EFCAB5: variants seen among roughly 807,000 people sequenced by gnomAD.
EFCAB5 encodes the protein EF-hand calcium binding domain 5.
EFCAB5 carries 131 observed loss-of-function variants against 167.9 expected under a neutral mutation model. The ratio of observed to expected loss-of-function variants is 0.78; its 90% CI spans 0.68 to 0.90. The LOEUF is 0.90. Among genes scored for constraint, EFCAB5 ranks in the 40% least tolerant of loss-of-function variants. EFCAB5 has a pLI of 0.00. For missense variants in EFCAB5, 1,663 were observed against 1,745.2 expected, an observed-to-expected ratio of 0.95 and a Z score of 0.84; for synonymous variants, 574 against 602.8, an observed-to-expected ratio of 0.95 and a Z score of 0.70.
rs1297951443 is a variant in EFCAB5, at chr17:30,092,852, T to C, written c.4237T>C (p.Tyr1413His). 6.2e-7 allele frequency: 1 copy of C among 1,610,916 alleles called. No homozygotes were observed. The highest frequency in any genetic ancestry group is 1.3e-5 in the African/African-American group (1 of 74,798). ...WDKCKFYVNK[Y>H]LVNNICAFDP... Reference sequence around the variant, plus strand: ...TGTTTGTTCACAGTATGTTAACAAATATTTAGTCAACAATATTTGTGCCTT... The same window carrying C: ...TGTTTGTTCACAGTATGTTAACAAACATTTAGTCAACAATATTTGTGCCTT... Residue 1413 changes from tyrosine to histidine, a missense_variant, in exon 22 of 23, where the codon TAT (tyrosine) becomes CAT (histidine). Physicochemically the swap from Tyr to His is moderately conservative, Grantham distance 83. Transcript: ENST00000394835.
At chr17:30,001,955 G>C (rs2068671492) in intron 7 of EFCAB5, among the ~76,000 whole-genome samples, 1 of 152,218 alleles carries the variant, frequency 6.6e-6, no homozygotes, top group African/African-American at 2.4e-5. Context: ...ATAAGTGACA[G>C]AGCTAGACTA....
At chr17:30,065,958 A>G (rs1416051450) in intron 14 of EFCAB5, among the ~76,000 whole-genome samples, 1 of 152,236 alleles carries the variant, frequency 6.6e-6, no homozygotes, top group African/African-American at 2.4e-5. Flanking sequence ...TAAAGCAAAT[A>G]TTGTTAGATC....
chr17:29,965,472 A>C (rs2067810085), intron 3 of EFCAB5, among the ~76,000 whole-genome samples: 1 of 152,156 alleles, frequency 6.6e-6, no homozygotes, highest in South Asian at 2.1e-4. Flanking sequence ...TATCCTGGAG[A>C]ATGTGCCATG....
At chr17:29,965,851 A>G (rs1249817734) in intron 3 of EFCAB5, among the ~76,000 whole-genome samples, 1 of 152,182 alleles carries the variant, frequency 6.6e-6, no homozygotes, top group Non-Finnish European at 1.5e-5. Flanking sequence ...TATTAGTCTG[A>G]CACATTTCTG....
At chr17:29,993,564 C>T (rs1344614506) in intron 5 of EFCAB5, among the ~76,000 whole-genome samples, 1 of 151,266 alleles carries the variant, frequency 6.6e-6, no homozygotes, top group Non-Finnish European at 1.5e-5. Flanking sequence ...CCAAACTCAT[C>T]ACTATAAACC....
intron 1 of EFCAB5, among the ~76,000 whole-genome samples, chr17:29,931,534 C>T (rs909413929): frequency 1.3e-5 from 2 of 152,096 alleles, no homozygotes; most frequent in African/African-American, 4.8e-5. Flanking sequence ...AGGCTTTTGC[C>T]CCCTGGTGGT....
chr17:30,089,481 T>C lies in EFCAB5; in HGVS notation c.3684-940T>C, dbSNP rs116024145. Reference sequence around the variant, plus strand: ...TAAAGAAATGGCATATCAGAATTAATGTAGATGGGGAAAGGGAAAAGAAAG... The same window carrying C: ...TAAAGAAATGGCATATCAGAATTAACGTAGATGGGGAAAGGGAAAAGAAAG... On this transcript the variant is annotated intron_variant, in intron 19 of 22. Coordinates refer to ENST00000394835, the MANE Select transcript of EFCAB5 (RefSeq NM_198529.4). Among the ~76,000 whole-genome samples the C allele has an allele frequency of 7.1e-3, 1,085 of 152,084 alleles. 10 individuals are homozygous for C. The highest frequency in any genetic ancestry group is 0.025 in the African/African-American group (1,052 of 41,456).
In EFCAB5 at chr17:29,956,478, C is replaced by G. The variant is rs556809825; in HGVS notation, c.191-12313C>G. Among the ~76,000 whole-genome samples the G allele has an allele frequency of 3.9e-5, 6 of 152,362 alleles. No individual in the cohort carries two copies. The South Asian group carries it at 1.0e-3, about 26-fold the overall frequency. On this transcript the variant is annotated intron_variant, in intron 3 of 22. Transcript: ENST00000394835. ...TTGCCTTATTTGAAGCTGGTTTGAA[C>G]AGCTGACTGTCTGTGGTTGACAGAA...
At chr17:29,942,409 A>T in intron 2 of EFCAB5, 107 bp downstream of exon 2, 2 of 1,095,364 alleles carry the variant, frequency 1.8e-6, no homozygotes, top group Non-Finnish European at 2.5e-6. Context: ...AGATAACTAA[A>T]ATTGCAAAAG....
intron 8 of EFCAB5, among the ~76,000 whole-genome samples, chr17:30,047,348 G>A (rs1377339781): frequency 1.3e-5 from 2 of 152,116 alleles, no homozygotes; most frequent in Non-Finnish European, 2.9e-5. Context: ...AGAAATTAAC[G>A]AGGGGAGCAC....
intron 7 of EFCAB5, among the ~76,000 whole-genome samples, chr17:30,011,255 T>C (rs2068891834): frequency 6.6e-6 from 1 of 152,222 alleles, no homozygotes; most frequent in Non-Finnish European, 1.5e-5. Context: ...TCCAGCTTTG[T>C]TCTTTTGGCT....
intron 22 of EFCAB5, among the ~76,000 whole-genome samples, chr17:30,096,225 A>C (rs2071284516): frequency 6.6e-6 from 1 of 152,212 alleles, no homozygotes; most frequent in African/African-American, 2.4e-5. Context: ...AAAAAAGACA[A>C]TCAAACCAGC....
intron 10 of EFCAB5, among the ~76,000 whole-genome samples, chr17:30,054,792 G>A (rs1259874545): frequency 6.6e-6 from 1 of 152,126 alleles, no homozygotes; most frequent in African/African-American, 2.4e-5. Context: ...ATGAAATCTT[G>A]CACCTTTTGT....
chr17:30,009,954 C>T (rs557283561), intron 7 of EFCAB5, among the ~76,000 whole-genome samples: 1 of 152,202 alleles, frequency 6.6e-6, no homozygotes, highest in Admixed American at 6.5e-5. Flanking sequence ...AATGCTATCC[C>T]TCCTCCATCC....
At chr17:30,050,630 G>T (rs1431671172) in intron 8 of EFCAB5, among the ~76,000 whole-genome samples, 1 of 152,080 alleles carries the variant, frequency 6.6e-6, no homozygotes, top group Non-Finnish European at 1.5e-5. Flanking sequence ...AGGTCTCACT[G>T]TGTTGCTATA....
chr17:30,092,874 C>A lies in EFCAB5; in HGVS notation c.4259C>A (p.Ala1420Asp), dbSNP rs1356571983. 1.2e-6 allele frequency: 2 copies of A among 1,611,272 alleles called. No homozygotes were observed. Among genetic ancestry groups the A allele is most frequent in the African/African-American group, 2.7e-5 (2 of 74,766 alleles). The change falls in exon 22 of 23, where the codon GCC (alanine) becomes GAC (aspartate). Residue 1420 changes from alanine (A) to aspartate (D), a missense_variant. Coordinates refer to ENST00000394835, the MANE Select transcript of EFCAB5 (RefSeq NM_198529.4). ...AAATATTTAGTCAACAATATTTGTG[C>A]CTTTGATCCAACTGCCAAGCATGTG... ...VNKYLVNNIC[A>D]FDPTAKHVEV...
chr17:30,090,555 A>G lies in EFCAB5; in HGVS notation c.3818A>G (p.Asn1273Ser). 1 of 1,614,008 alleles carries G rather than the reference A, an allele frequency of 6.2e-7. No homozygotes were observed. The highest frequency in any genetic ancestry group is 2.2e-5 in the East Asian group (1 of 44,884). The change falls in exon 20 of 23, where the codon AAT (asparagine) becomes AGT (serine). Residue 1273 changes from asparagine (N) to serine (S), a missense_variant. Transcript: ENST00000394835. ...LGVLDFNIGQ[N>S]RMLLCQEYKD... Reference sequence around the variant, plus strand: ...GTCCTCGATTTTAACATCGGCCAAAATAGGATGTTGTTGTGTCAAGAATAT... The same window carrying G: ...GTCCTCGATTTTAACATCGGCCAAAGTAGGATGTTGTTGTGTCAAGAATAT...
At chr17:30,078,785 T>C (rs967392343) in intron 15 of EFCAB5, among the ~76,000 whole-genome samples, 8 of 152,220 alleles carry the variant, frequency 5.3e-5, no homozygotes, top group African/African-American at 1.9e-4. Flanking sequence ...AAGAGTCAAA[T>C]AAGCCTAGAA....
At chr17:30,022,006 A>C (rs1171760870) in intron 7 of EFCAB5, among the ~76,000 whole-genome samples, 2 of 152,204 alleles carry the variant, frequency 1.3e-5, no homozygotes, top group Non-Finnish European at 2.9e-5. Flanking sequence ...AGTAATAATT[A>C]ATATAGAGAA....
Sources: allele counts gnomAD v4.1 joint callset (sites outside exome capture counted in the v4.1 genomes callset), GRCh38; gene constraint gnomAD v4.1.1; transcripts MANE v1.5; gene names NCBI Gene and HGNC (gene_info 2026-07-23, HGNC 2026-07-21).